The following GLRA2 variants were observed in gnomAD, a reference collection of about 807,000 sequenced individuals.
The protein encoded by GLRA2 is glycine receptor alpha 2, also known as glycine receptor subunit alpha-2.
GLRA2 carries 11 observed loss-of-function variants against 31.6 expected under a neutral mutation model. The observed-to-expected ratio is 0.35, with a 90% CI of 0.22 to 0.58. GLRA2 has a LOEUF of 0.58. Ranked by LOEUF, GLRA2 falls within the 20% of genes least tolerant of loss-of-function variation. The pLI, the probability that GLRA2 is intolerant of heterozygous loss-of-function variation, is 0.84. For synonymous variants in GLRA2, 132 were observed against 134.0 expected, an observed-to-expected ratio of 0.99 and a Z score of 0.10; for missense variants, 212 against 351.8, an observed-to-expected ratio of 0.60 and a Z score of 3.18.
intron 7 of GLRA2, among the ~76,000 whole-genome samples, chrX:14,684,213 C>G (rs2091248956): frequency 9.0e-6 from 1 of 111,096 alleles, no homozygotes; most frequent in African/African-American, 3.3e-5. Flanking sequence ...GTTTTGGTTA[C>G]TGTAGCCTTG....
At chrX:14,535,154 A>G (rs926201439) in intron 2 of GLRA2, among the ~76,000 whole-genome samples, 1 of 111,905 alleles carries the variant, frequency 8.9e-6, no homozygotes, top group Non-Finnish European at 1.9e-5. Context: ...ACCAGAATAA[A>G]ATCAAGAGCC....
the GLRA2 span, among the ~76,000 whole-genome samples, chrX:14,455,306 G>A: frequency 1.8e-5 from 2 of 111,860 alleles, no homozygotes; most frequent in African/African-American, 6.5e-5. Context: ...TATAGTCTAC[G>A]TGTCAAGCCA....
the GLRA2 span, among the ~76,000 whole-genome samples, chrX:14,464,045 G>T: frequency 8.9e-6 from 1 of 112,069 alleles, no homozygotes; most frequent in African/African-American, 3.2e-5. Context: ...AGATTGTTTT[G>T]CTGTTGAGAT....
the GLRA2 span, among the ~76,000 whole-genome samples, chrX:14,469,719 T>C: frequency 1.1e-5 from 1 of 91,140 alleles, no homozygotes; most frequent in Non-Finnish European, 2.2e-5. Context: ...GGGGGAGGGA[T>C]AGCTTTAGGA....
intron 8 of GLRA2, among the ~76,000 whole-genome samples, chrX:14,712,044 T>C (rs2091718868): frequency 1.8e-5 from 2 of 112,912 alleles, no homozygotes; most frequent in Admixed American, 9.3e-5. Context: ...CATGTTATTA[T>C]AGAAAAAAAT....
chrX:14,583,414 C>T (rs1465270138), intron 4 of GLRA2, among the ~76,000 whole-genome samples: 2 of 112,589 alleles, frequency 1.8e-5, no homozygotes, highest in African/African-American at 3.2e-5. Context: ...ACAGAATCAA[C>T]CTAAATGTCC....
chrX:14,501,720 G>A, the GLRA2 span, among the ~76,000 whole-genome samples: 1 of 112,012 alleles, frequency 8.9e-6, no homozygotes, highest in Non-Finnish European at 1.9e-5. Context: ...GGAGGCTCTG[G>A]GCATGTTTTA....
the GLRA2 span, among the ~76,000 whole-genome samples, chrX:14,510,076 G>A: frequency 1.8e-5 from 2 of 111,691 alleles, no homozygotes; most frequent in Admixed American, 1.9e-4. Context: ...GGGTAAATTA[G>A]AGAGGATTTA....
intron 7 of GLRA2, among the ~76,000 whole-genome samples, chrX:14,647,396 C>T (rs753877978): frequency 5.4e-5 from 6 of 111,806 alleles, no homozygotes; most frequent in Non-Finnish European, 1.1e-4. Context: ...AGGAGTAGAT[C>T]TCCTTTACAA....
At chrX:14,615,940 T>C (rs1219994744) in intron 7 of GLRA2, among the ~76,000 whole-genome samples, 1 of 111,607 alleles carries the variant, frequency 9.0e-6, no homozygotes, top group Non-Finnish European at 1.9e-5. Context: ...CAGCATGATA[T>C]GTGTTTCATC....
intron 7 of GLRA2, among the ~76,000 whole-genome samples, chrX:14,684,254 C>A (rs770129100): frequency 3.6e-4 from 40 of 110,938 alleles, no homozygotes; most frequent in African/African-American, 1.1e-3. Context: ...TAGGGTGATG[C>A]CTCCAGCTTT....
chrX:14,478,075 A>G, the GLRA2 span, among the ~76,000 whole-genome samples: 1 of 110,856 alleles, frequency 9.0e-6, no homozygotes, highest in Non-Finnish European at 1.9e-5. Flanking sequence ...TGGATTGGAG[A>G]GCAGAGAAAC....
chrX:14,595,815 G>C (rs1297094076), intron 4 of GLRA2, among the ~76,000 whole-genome samples: 1 of 111,994 alleles, frequency 8.9e-6, no homozygotes, highest in Non-Finnish European at 1.9e-5. Flanking sequence ...TATTGTCTAA[G>C]TGGGAGAGTT....
At chrX:14,535,854 A>G (rs2089316646) in intron 2 of GLRA2, among the ~76,000 whole-genome samples, 1 of 112,557 alleles carries the variant, frequency 8.9e-6, no homozygotes, top group African/African-American at 3.2e-5. Context: ...GCTTTTAATG[A>G]AATGTTCAAA....
intron 1 of GLRA2, among the ~76,000 whole-genome samples, chrX:14,531,886 A>G (rs1039287702): frequency 3.6e-5 from 4 of 111,637 alleles, no homozygotes; most frequent in African/African-American, 1.3e-4. Context: ...AATGATTTTA[A>G]GACAATCACA....
chrX:14,454,197 CACACACA>C, the GLRA2 span, among the ~76,000 whole-genome samples: 24 of 23,680 alleles, frequency 1.0e-3, no homozygotes, highest in Admixed American at 0.011. Context: ...CCCACACACA[CACACACA>C]CACACACACA....
At chrX:14,635,731 T>A (rs1370583816) in intron 7 of GLRA2, among the ~76,000 whole-genome samples, 1 of 111,914 alleles carries the variant, frequency 8.9e-6, no homozygotes, top group Admixed American at 9.5e-5. Flanking sequence ...TCCAGAGAAG[T>A]ATTAATTTGT....
the GLRA2 span, among the ~76,000 whole-genome samples, chrX:14,512,677 G>A: frequency 2.7e-5 from 3 of 110,949 alleles, no homozygotes; most frequent in South Asian, 1.1e-3. Flanking sequence ...TACAGTAGCT[G>A]CAAAAAAAAC....
intron 8 of GLRA2, among the ~76,000 whole-genome samples, chrX:14,708,649 A>C (rs2091665579): frequency 8.9e-6 from 1 of 111,823 alleles, no homozygotes; most frequent in Non-Finnish European, 1.9e-5. Context: ...GAAAAGAGAG[A>C]CATCAGGCCA....
Sources: gnomAD v4.1 joint callset for allele counts (sites outside exome capture counted in the v4.1 genomes callset) on GRCh38, gnomAD v4.1.1 for gene constraint, MANE v1.5 for transcripts, NCBI Gene and HGNC (gene_info 2026-07-23, HGNC 2026-07-21) for gene names.